The following DTNA variants were observed in gnomAD, a reference collection of about 807,000 sequenced individuals.
DTNA encodes dystrophin-related protein 3.
In DTNA, 43 loss-of-function variants were observed where a neutral mutation model predicts 100.7. That is an observed-to-expected ratio of 0.43 (90% CI 0.33 to 0.55). The LOEUF is 0.55. Ranked by LOEUF, DTNA falls within the 20% of genes least tolerant of loss-of-function variation. DTNA has a pLI of 0.04. For synonymous variants in DTNA, 349 were observed against 347.9 expected (o/e 1.00, Z -0.04); for missense variants, 798 against 953.9 (o/e 0.84, Z 2.15).
rs146711947 is a variant in DTNA, at chr18:34,721,637, T to C, written c.-2+11192T>C. ...AGAAGGCAACAAGGCAGACAACTTA[T>C]ACTTAGGCAAAACTAATCAAAGGAA... is the stretch of plus-strand genomic sequence containing the variant. On this transcript the variant is annotated intron_variant, in intron 1 of 22. Transcript: ENST00000444659. 1.4e-3 allele frequency among the ~76,000 whole-genome samples: 211 copies of C among 152,332 alleles called. 2 individuals carry two copies. The highest frequency in any genetic ancestry group is 4.5e-3 in the African/African-American group (189 of 41,570).
chr18:34,638,836 T>A (rs2058939122), intron 1 of DTNA, among the ~76,000 whole-genome samples: 2 of 152,106 alleles, frequency 1.3e-5, no homozygotes, highest in African/African-American at 4.8e-5. Flanking sequence ...AGGCATTGTT[T>A]TTGTTTGTTT....
intron 1 of DTNA, among the ~76,000 whole-genome samples, chr18:34,576,758 C>T (rs1301672562): frequency 1.3e-5 from 2 of 152,084 alleles, no homozygotes; most frequent in African/African-American, 2.4e-5. Flanking sequence ...CATGCCCAGC[C>T]GTAAATTGGT....
chr18:34,887,836 C>G lies in DTNA; in HGVS notation c.*102C>G. 1.0e-6 allele frequency: 1 copy of G among 986,202 alleles called. No homozygotes were observed. The highest frequency in any genetic ancestry group is 1.7e-5 in the African/African-American group (1 of 57,352). The allele number at this position is 986,202 out of a possible 1,614,324, so 61.1% of individuals were successfully genotyped here. On this transcript the variant is annotated 3_prime_UTR_variant, in exon 23 of 23. Transcript: ENST00000444659. ...GATGATGGAGAGCCCTGTGGCCACA[C>G]AGAGGAGGAAGACAGCAGCCTGGCA...
intron 16 of DTNA, among the ~76,000 whole-genome samples, chr18:34,859,816 A>G (rs1281493066): frequency 3.3e-5 from 5 of 152,142 alleles, no homozygotes; most frequent in African/African-American, 1.2e-4. Context: ...GGCCTTGGAA[A>G]AGAAATGTGG....
chr18:34,513,458 C>A (rs1306765162), intron 1 of DTNA: 1 of 152,160 alleles, frequency 6.6e-6, no homozygotes, highest in East Asian at 1.9e-4. Context: ...AAATGTTTCT[C>A]TGGCTCTGCC....
At chr18:34,515,977 C>T (rs898449068) in intron 1 of DTNA, among the ~76,000 whole-genome samples, 1 of 152,140 alleles carries the variant, frequency 6.6e-6, no homozygotes, top group African/African-American at 2.4e-5. Flanking sequence ...ATTAGTCACA[C>T]AGAAAATGAC....
chr18:34,777,733 T>G (rs573918588), intron 3 of DTNA, among the ~76,000 whole-genome samples: 11 of 152,274 alleles, frequency 7.2e-5, no homozygotes, highest in African/African-American at 2.6e-4. Context: ...TCATGCGAAC[T>G]CACTCACTAT....
At chr18:34,663,220 C>T (rs1000746202) in intron 1 of DTNA, among the ~76,000 whole-genome samples, 2 of 152,196 alleles carry the variant, frequency 1.3e-5, no homozygotes, top group South Asian at 2.1e-4. Flanking sequence ...TTGGCATGAT[C>T]GTGGCTCACT....
Position 34,780,162 on chromosome 18 carries a change from G to T in DTNA, c.149-13875G>T, listed in dbSNP as rs544458394. ...CGGTAGCTGTTTTTAACCATTGATG[G>T]TGTTGGGCTAGGACGTCTGCTTTAT... is the stretch of plus-strand genomic sequence containing the variant. On this transcript the variant is annotated intron_variant, in intron 3 of 22. Transcript: ENST00000444659. 7.9e-5 allele frequency among the ~76,000 whole-genome samples: 12 copies of T among 152,268 alleles called. No homozygotes were observed. The East Asian group carries it at 2.3e-3, about 29-fold the overall frequency.
intron 1 of DTNA, among the ~76,000 whole-genome samples, chr18:34,517,572 G>T (rs2041769356): frequency 6.6e-6 from 1 of 151,420 alleles, no homozygotes; most frequent in African/African-American, 2.4e-5. Context: ...CCATAGTGCT[G>T]CTCTTTTATA....
chr18:34,850,036 A>G (rs1295312345), intron 14 of DTNA, among the ~76,000 whole-genome samples: 1 of 152,238 alleles, frequency 6.6e-6, no homozygotes, highest in Non-Finnish European at 1.5e-5. Context: ...TACACTATAT[A>G]TAATCTTTGT....
chr18:34,693,459 G>T (rs1183173114), intron 1 of DTNA, among the ~76,000 whole-genome samples: 1 of 152,084 alleles, frequency 6.6e-6, no homozygotes, highest in Admixed American at 6.6e-5. Flanking sequence ...AGACATGTCT[G>T]AGTCTCCTAC....
chr18:34,762,342 A>G (rs1030704651), intron 2 of DTNA, among the ~76,000 whole-genome samples: 1 of 152,146 alleles, frequency 6.6e-6, no homozygotes, highest in Non-Finnish European at 1.5e-5. Flanking sequence ...AGGTAGATTT[A>G]TGGGGGATGT....
At chr18:34,554,793 AT>A (rs2045850020) in intron 1 of DTNA, among the ~76,000 whole-genome samples, 1 of 146,890 alleles carries the variant, frequency 6.8e-6, no homozygotes, top group Non-Finnish European at 1.5e-5. Context: ...TTTATTGAGG[AT>A]TTTTGCATCA....
At chr18:34,516,772 A>G (rs2041665582) in intron 1 of DTNA, among the ~76,000 whole-genome samples, 1 of 152,122 alleles carries the variant, frequency 6.6e-6, no homozygotes, top group South Asian at 2.1e-4. Flanking sequence ...AATCGCAGCC[A>G]TCCTTTTCCT....
At chr18:34,749,258 C>G (rs1021500308) in intron 1 of DTNA, among the ~76,000 whole-genome samples, 1 of 152,004 alleles carries the variant, frequency 6.6e-6, no homozygotes, top group Admixed American at 6.6e-5. Context: ...GTCACATCAT[C>G]AGTGAAGAGC....
At chr18:34,740,087 A>T (rs767932035) in intron 1 of DTNA, among the ~76,000 whole-genome samples, 6 of 152,164 alleles carry the variant, frequency 3.9e-5, no homozygotes, top group Non-Finnish European at 2.9e-5. Flanking sequence ...TATATTCATC[A>T]CATATAATAA....
chr18:34,653,565 G>A (rs1057465448), intron 1 of DTNA, among the ~76,000 whole-genome samples: 1 of 152,166 alleles, frequency 6.6e-6, no homozygotes, highest in African/African-American at 2.4e-5. Flanking sequence ...GCTTATGCCT[G>A]TAATCTCAGC....
intron 1 of DTNA, among the ~76,000 whole-genome samples, chr18:34,572,149 A>G (rs1056509491): frequency 3.3e-5 from 5 of 152,334 alleles, no homozygotes; most frequent in African/African-American, 1.2e-4. Context: ...CTGGCTGCAC[A>G]TTAGAATCTG....
Sources: gnomAD v4.1 joint callset for allele counts (sites outside exome capture counted in the v4.1 genomes callset) on GRCh38, gnomAD v4.1.1 for gene constraint, MANE v1.5 for transcripts, NCBI Gene and HGNC (gene_info 2026-07-23, HGNC 2026-07-21) for gene names.